THSD4: variants seen among roughly 807,000 people sequenced by gnomAD.
THSD4 encodes the protein thrombospondin type 1 domain containing 4.
A neutral mutation model predicts 119.0 loss-of-function variants in THSD4; 69 were observed. The ratio of observed to expected loss-of-function variants is 0.58; its 90% confidence interval spans 0.48 to 0.71. The LOEUF (loss-of-function observed/expected upper bound fraction) is 0.71. THSD4 is among the 30% of genes least tolerant of loss of function. The pLI, the probability that THSD4 is intolerant of heterozygous loss-of-function variation, is 0.00. For missense variants in THSD4, 1,393 were observed against 1,391.1 expected (o/e 1.00, Z -0.02); for synonymous variants, 524 against 540.4 (o/e 0.97, Z 0.42).
chr15:71,308,951 G>A (rs2045072733), intron 6 of THSD4, among the ~76,000 whole-genome samples: 1 of 152,088 alleles, frequency 6.6e-6, no homozygotes, highest in Admixed American at 6.6e-5. Flanking sequence ...GAGTGAAGTG[G>A]TTTCTTGTGC....
intron 6 of THSD4, among the ~76,000 whole-genome samples, chr15:71,262,577 C>T (rs1488163518): frequency 6.6e-6 from 1 of 152,042 alleles, no homozygotes; most frequent in African/African-American, 2.4e-5. Flanking sequence ...AGTTTTAATC[C>T]TTAAAACTGC....
intron 7 of THSD4, among the ~76,000 whole-genome samples, chr15:71,594,507 C>T (rs1306770765): frequency 6.6e-6 from 1 of 152,182 alleles, no homozygotes; most frequent in African/African-American, 2.4e-5. Context: ...GAGCCAGCCT[C>T]TGCCTGAGCT....
chr15:71,651,865 C>G (rs1346726907), intron 7 of THSD4, among the ~76,000 whole-genome samples: 1 of 152,182 alleles, frequency 6.6e-6, no homozygotes, highest in Non-Finnish European at 1.5e-5. Flanking sequence ...CTTGCAAAGG[C>G]TTAGAGGTGC....
chr15:71,623,645 G>A (rs954833314), intron 7 of THSD4, among the ~76,000 whole-genome samples: 12 of 152,252 alleles, frequency 7.9e-5, no homozygotes, highest in African/African-American at 2.6e-4. Flanking sequence ...AGAATCGGCC[G>A]GAAGCAGTGG....
At chr15:71,446,124 A>G (rs570974157) in intron 7 of THSD4, among the ~76,000 whole-genome samples, 65 of 152,346 alleles carry the variant, frequency 4.3e-4, no homozygotes, top group African/African-American at 1.4e-3. Context: ...ATAAATGTCA[A>G]TATCAATTCC....
chr15:71,758,318 C>G (rs1249561883), intron 15 of THSD4, among the ~76,000 whole-genome samples: 1 of 152,230 alleles, frequency 6.6e-6, no homozygotes, highest in African/African-American at 2.4e-5. Flanking sequence ...ACACAAATAT[C>G]TCTGCCCTCA....
At chr15:71,572,968 G>A (rs1236594042) in intron 7 of THSD4, among the ~76,000 whole-genome samples, 1 of 152,184 alleles carries the variant, frequency 6.6e-6, no homozygotes, top group Non-Finnish European at 1.5e-5. Context: ...GGAGAAGTCT[G>A]TAGAGGGCAT....
At chr15:71,621,735 A>G (rs12442019) in intron 7 of THSD4, among the ~76,000 whole-genome samples, 32,264 of 152,194 alleles carry the variant, frequency 0.21, 3,952 homozygotes, top group African/African-American at 0.34. Flanking sequence ...AGTTCAAGTC[A>G]TTTGCTATGA....
intron 6 of THSD4, among the ~76,000 whole-genome samples, chr15:71,343,619 G>T (rs545068059): frequency 2.0e-4 from 30 of 151,778 alleles, no homozygotes; most frequent in African/African-American, 7.0e-4. Flanking sequence ...TCTGCTCTGT[G>T]TGTTTCTGTG....
At chr15:71,497,185 A>C (rs2048031303) in intron 7 of THSD4, among the ~76,000 whole-genome samples, 1 of 152,228 alleles carries the variant, frequency 6.6e-6, no homozygotes, top group South Asian at 2.1e-4. Context: ...ATGCTGTGTT[A>C]ATAAGAGAAG....
At chr15:71,630,216 A>G (rs2050597932) in intron 7 of THSD4, among the ~76,000 whole-genome samples, 1 of 152,342 alleles carries the variant, frequency 6.6e-6, no homozygotes, top group Non-Finnish European at 1.5e-5. Context: ...CTGGTGCTTC[A>G]GACAAGCACT....
chr15:71,665,464 G>A (rs1229945570), intron 8 of THSD4, among the ~76,000 whole-genome samples: 2 of 152,096 alleles, frequency 1.3e-5, no homozygotes, highest in Non-Finnish European at 2.9e-5. Flanking sequence ...TTACTCTGTT[G>A]ACAGTTTCTT....
At chr15:71,137,435 G>C (rs2141367858) in intron 1 of THSD4, among the ~76,000 whole-genome samples, 1 of 152,244 alleles carries the variant, frequency 6.6e-6, no homozygotes, top group Non-Finnish European at 1.5e-5. Context: ...GCTGCCCTCT[G>C]GTCTTCCAGA....
chr15:71,614,179 T>A (rs1595788935), intron 7 of THSD4, among the ~76,000 whole-genome samples: 2 of 152,206 alleles, frequency 1.3e-5, no homozygotes, highest in Non-Finnish European at 2.9e-5. Flanking sequence ...AAAGTAGAAG[T>A]AAGTACAGAG....
chr15:71,174,966 C>G (rs1596245185), intron 3 of THSD4, among the ~76,000 whole-genome samples: 2 of 150,636 alleles, frequency 1.3e-5, no homozygotes, highest in East Asian at 2.0e-4. Flanking sequence ...GAAAGGACAT[C>G]CACACCGAAA....
intron 1 of THSD4, among the ~76,000 whole-genome samples, chr15:71,107,445 GAAGAA>G (rs1567127380): frequency 6.6e-6 from 1 of 152,032 alleles, no homozygotes; most frequent in African/African-American, 2.4e-5. Flanking sequence ...AAAAAGAAGA[GAAGAA>G]AAGGAAAAAG....
chr15:71,293,486 G>A (rs1021228471), intron 6 of THSD4, among the ~76,000 whole-genome samples: 7 of 152,008 alleles, frequency 4.6e-5, no homozygotes, highest in African/African-American at 9.7e-5. Context: ...TGGGGGTTAC[G>A]TAGTAGCCTG....
chr15:71,208,518 T>TA (rs2140244640), intron 3 of THSD4, among the ~76,000 whole-genome samples: 1 of 151,670 alleles, frequency 6.6e-6, no homozygotes, highest in East Asian at 1.9e-4. Flanking sequence ...CTTTTTTATT[T>TA]TTTTTTATTT....
chr15:71,509,381 G>A (rs2048243879), intron 7 of THSD4, among the ~76,000 whole-genome samples: 1 of 152,174 alleles, frequency 6.6e-6, no homozygotes, highest in Admixed American at 6.5e-5. Flanking sequence ...GCTACTTGCT[G>A]TGCCATGAGT....
Sources: allele counts gnomAD v4.1 joint callset (sites outside exome capture counted in the v4.1 genomes callset), GRCh38; gene constraint gnomAD v4.1.1; transcripts MANE v1.5; gene names NCBI Gene and HGNC (gene_info 2026-07-23, HGNC 2026-07-21).